PPARGC1A: variants seen among roughly 807,000 people sequenced by gnomAD.
The protein encoded by PPARGC1A is peroxisome proliferator-activated receptor gamma coactivator 1-alpha.
Under a neutral mutation model 88.7 loss-of-function variants are expected in PPARGC1A, and 25 were observed. The ratio of observed to expected loss-of-function variants is 0.28; its 90% CI spans 0.21 to 0.39. The LOEUF is 0.39. Among genes scored for constraint, PPARGC1A ranks in the 10% least tolerant of loss-of-function variants. PPARGC1A has a pLI of 1.00. For synonymous variants in PPARGC1A, 363 were observed against 355.6 expected, an observed-to-expected ratio of 1.02 and a Z score of -0.24; for missense variants, 880 against 968.7, an observed-to-expected ratio of 0.91 and a Z score of 1.22.
the PPARGC1A span, among the ~76,000 whole-genome samples, chr4:24,274,353 C>A: frequency 2.4e-3 from 362 of 152,218 alleles, 4 homozygotes; most frequent in African/African-American, 8.3e-3. Context: ...GAAGTCTACC[C>A]TGGTTTTACT....
At chr4:24,358,163 T>C in the PPARGC1A span, among the ~76,000 whole-genome samples, 1 of 152,204 alleles carries the variant, frequency 6.6e-6, no homozygotes, top group Non-Finnish European at 1.5e-5. Flanking sequence ...GGTAACCTGT[T>C]CAAGGTCATG....
At chr4:24,376,651 T>C in the PPARGC1A span, among the ~76,000 whole-genome samples, 1 of 152,214 alleles carries the variant, frequency 6.6e-6, no homozygotes, top group Non-Finnish European at 1.5e-5. Flanking sequence ...AGGTCAATGT[T>C]CTAGAAATAT....
intron 7 of PPARGC1A, among the ~76,000 whole-genome samples, chr4:23,821,354 T>C (rs1722982509): frequency 6.6e-6 from 1 of 152,044 alleles, no homozygotes; most frequent in African/African-American, 2.4e-5. Context: ...TTGCCAGAAA[T>C]TGTAGTCATA....
chr4:23,893,867 GA>G (rs1345288127), upstream of PPARGC1A, among the ~76,000 whole-genome samples: 1 of 152,132 alleles, frequency 6.6e-6, no homozygotes, highest in Non-Finnish European at 1.5e-5. Context: ...TGGAAAGCAA[GA>G]CATATACAGC....
the PPARGC1A span, among the ~76,000 whole-genome samples, chr4:24,203,506 A>G: frequency 6.6e-6 from 1 of 152,230 alleles, no homozygotes; most frequent in African/African-American, 2.4e-5. Context: ...ATTCAGAAAT[A>G]ACAAACTATT....
upstream of PPARGC1A, among the ~76,000 whole-genome samples, chr4:23,908,365 T>C (rs1720318931): frequency 6.6e-6 from 1 of 152,194 alleles, no homozygotes; most frequent in Admixed American, 6.5e-5. Context: ...TGAATATCTG[T>C]ATCATAAAAC....
At chr4:24,326,038 T>C in the PPARGC1A span, among the ~76,000 whole-genome samples, 4 of 152,174 alleles carry the variant, frequency 2.6e-5, no homozygotes, top group East Asian at 1.9e-4. Flanking sequence ...ATCTCATTGA[T>C]GCCCTTCTTC....
the PPARGC1A span, among the ~76,000 whole-genome samples, chr4:24,120,594 G>A: frequency 7.9e-5 from 12 of 152,150 alleles, no homozygotes; most frequent in Admixed American, 7.9e-4. Flanking sequence ...GCTATGGTCT[G>A]AATGTTTGTG....
At chr4:24,339,227 T>TACACACACACACAC in the PPARGC1A span, among the ~76,000 whole-genome samples, 4 of 89,614 alleles carry the variant, frequency 4.5e-5, no homozygotes, top group African/African-American at 1.4e-4. Flanking sequence ...TATATATATA[T>TACACACACACACAC]ATATATATAT....
the PPARGC1A span, among the ~76,000 whole-genome samples, chr4:24,354,805 T>G: frequency 1.3e-5 from 2 of 152,192 alleles, no homozygotes; most frequent in Non-Finnish European, 1.5e-5. Flanking sequence ...GAGAATGGCA[T>G]GAACCCGGGA....
the PPARGC1A span, among the ~76,000 whole-genome samples, chr4:24,438,325 CTCTCCAGAGCAGGGATTT>C: frequency 1.6e-4 from 25 of 152,116 alleles, no homozygotes; most frequent in Non-Finnish European, 1.6e-4. Flanking sequence ...TTATCCCATT[CTCTCCAGAGCAGGGATTT>C]TCCACCAGAG....
the PPARGC1A span, among the ~76,000 whole-genome samples, chr4:24,090,395 C>A: frequency 3.3e-5 from 5 of 152,084 alleles, no homozygotes; most frequent in South Asian, 4.1e-4. Flanking sequence ...ACATTGCATA[C>A]AACAAAACAT....
chr4:24,124,843 T>C, the PPARGC1A span, among the ~76,000 whole-genome samples: 5 of 152,194 alleles, frequency 3.3e-5, no homozygotes, highest in Admixed American at 6.5e-5. Flanking sequence ...AATTTTATTC[T>C]TGTTTTGTAT....
chr4:23,867,638 T>A (rs1229866253), intron 2 of PPARGC1A, among the ~76,000 whole-genome samples: 2 of 152,228 alleles, frequency 1.3e-5, no homozygotes, highest in Non-Finnish European at 2.9e-5. Context: ...TTTTGCATCC[T>A]GGTTCCAATG....
At chr4:23,904,376 A>T (rs1230725159), upstream of PPARGC1A, among the ~76,000 whole-genome samples, 1 of 152,096 alleles carries the variant, frequency 6.6e-6, no homozygotes, top group Non-Finnish European at 1.5e-5. Flanking sequence ...GCAGTACTGT[A>T]ATTTTTCCTT....
At chr4:24,195,561 C>T in the PPARGC1A span, among the ~76,000 whole-genome samples, 10 of 152,084 alleles carry the variant, frequency 6.6e-5, no homozygotes, top group Admixed American at 2.0e-4. Flanking sequence ...ACCAGATTTG[C>T]GTAATTAAAT....
the PPARGC1A span, among the ~76,000 whole-genome samples, chr4:24,442,498 T>C: frequency 1.3e-5 from 2 of 152,224 alleles, no homozygotes; most frequent in African/African-American, 4.8e-5. Flanking sequence ...TTTAAGATCA[T>C]CCATTTCATT....
the PPARGC1A span, among the ~76,000 whole-genome samples, chr4:24,017,812 G>T: frequency 6.6e-6 from 1 of 152,150 alleles, no homozygotes. Context: ...AATGGCAAAA[G>T]TGTCTAAGGA....
chr4:23,964,615 G>A, the PPARGC1A span, among the ~76,000 whole-genome samples: 1 of 152,120 alleles, frequency 6.6e-6, no homozygotes, highest in South Asian at 2.1e-4. Flanking sequence ...AGTTAAGCCC[G>A]GTGTTATAGA....
Sources: gnomAD v4.1 joint callset for allele counts (sites outside exome capture counted in the v4.1 genomes callset) on GRCh38, gnomAD v4.1.1 for gene constraint, MANE v1.5 for transcripts, NCBI Gene and HGNC (gene_info 2026-07-23, HGNC 2026-07-21) for gene names.